CNTN5: variants seen among roughly 807,000 people sequenced by gnomAD.
CNTN5 encodes contactin 5, also known as contactin-5.
In CNTN5, 77 loss-of-function variants were observed where a neutral mutation model predicts 129.1. The ratio of observed to expected loss-of-function variants is 0.60; its 90% CI spans 0.50 to 0.72. The LOEUF is 0.72. Among genes scored for constraint, CNTN5 ranks in the 30% least tolerant of loss-of-function variants. The probability of loss-of-function intolerance (pLI) is 0.00; values close to 1 mark genes in which losing one functional copy is unlikely to be tolerated. For missense variants in CNTN5, 1,478 were observed against 1,328.8 expected (o/e 1.11, Z -1.75); for synonymous variants, 509 against 465.6 (o/e 1.09, Z -1.20).
intron 2 of CNTN5, among the ~76,000 whole-genome samples, chr11:99,459,989 A>AG (rs1335654472): frequency 7.9e-5 from 12 of 151,962 alleles, no homozygotes. Context: ...ATTATTTTAA[A>AG]GGAAAAAAAA....
At chr11:99,442,162 G>A (rs191514681) in intron 2 of CNTN5, among the ~76,000 whole-genome samples, 110 of 152,098 alleles carry the variant, frequency 7.2e-4, no homozygotes, top group African/African-American at 2.6e-3. Context: ...GCTACCCATA[G>A]CTATGAGGGC....
In CNTN5 at chr11:99,835,444, G is replaced by A. The variant is rs150447754; in HGVS notation, c.278-9408G>A. ...AACTTCTGACCTTGCCCAGAGGTGA[G>A]GCAATAGGGAAAAGGCAAATAATGT... On this transcript the variant is annotated intron_variant, in intron 4 of 24. Coordinates refer to ENST00000524871, the MANE Select transcript of CNTN5 (RefSeq NM_014361.4). Among the ~76,000 whole-genome samples the A allele has an allele frequency of 3.7e-4, 56 of 152,254 alleles. No individual in the cohort carries two copies. In the East Asian group the frequency reaches 7.5e-3, roughly 21 times the overall value.
intron 2 of CNTN5, among the ~76,000 whole-genome samples, chr11:99,525,363 T>C (rs1324750277): frequency 1.3e-4 from 20 of 152,218 alleles, no homozygotes; most frequent in Admixed American, 1.2e-3. Flanking sequence ...TTAGAAATTT[T>C]GATTATCTTA....
At chr11:99,352,541 T>A (rs779498786) in intron 2 of CNTN5, among the ~76,000 whole-genome samples, 10 of 152,170 alleles carry the variant, frequency 6.6e-5, no homozygotes, top group Non-Finnish European at 1.2e-4. Context: ...ACTGATCTCA[T>A]GTTGTTTGGA....
At chr11:99,955,326 A>G (rs1305061513) in intron 7 of CNTN5, among the ~76,000 whole-genome samples, 1 of 151,902 alleles carries the variant, frequency 6.6e-6, no homozygotes, top group African/African-American at 2.4e-5. Flanking sequence ...ATTATACTTT[A>G]TGGAGTTCCT....
chr11:99,269,326 G>C (rs1212839680), intron 1 of CNTN5, among the ~76,000 whole-genome samples: 1 of 151,294 alleles, frequency 6.6e-6, no homozygotes, highest in African/African-American at 2.4e-5. Flanking sequence ...ATATATACAT[G>C]ACATATTTTT....
Position 100,329,433 on chromosome 11 carries a change from G to T in CNTN5, c.2731-11030G>T, listed in dbSNP as rs543217203. Among the ~76,000 whole-genome samples the T allele has an allele frequency of 2.1e-4, 32 of 152,354 alleles. No individual in the cohort carries two copies. In the Middle Eastern group the frequency reaches 0.01, roughly 49 times the overall value. On this transcript the variant is annotated intron_variant, in intron 21 of 24. Transcript: ENST00000524871. ...GAGAAACCTGAATACTTAAACAGCT[G>T]TGCTTAGGGCAAGTTTGCATCCTCC...
intron 2 of CNTN5, among the ~76,000 whole-genome samples, chr11:99,338,919 GATAT>G (rs10534485): frequency 0.45 from 57,069 of 126,756 alleles, 12,171 homozygotes; most frequent in East Asian, 0.52. Context: ...TTCATTCACA[GATAT>G]ATATATATAT....
chr11:99,192,707 CTTAT>C (rs1858705277), intron 1 of CNTN5, among the ~76,000 whole-genome samples: 2 of 151,968 alleles, frequency 1.3e-5, no homozygotes, highest in African/African-American at 4.8e-5. Context: ...CTAAAACATG[CTTAT>C]TTAAATCTAC....
chr11:100,315,215 C>T (rs750713483), intron 21 of CNTN5, among the ~76,000 whole-genome samples: 4 of 152,178 alleles, frequency 2.6e-5, no homozygotes, highest in East Asian at 1.9e-4. Context: ...CAGTAATCTA[C>T]TTACACTTGG....
At chr11:99,941,668 C>T (rs547898477) in intron 7 of CNTN5, among the ~76,000 whole-genome samples, 33 of 149,086 alleles carry the variant, frequency 2.2e-4, no homozygotes, top group African/African-American at 7.8e-4. Flanking sequence ...TAAAGACCTC[C>T]CACAGGGAGT....
At chr11:100,028,197 TA>T (rs897361715) in intron 9 of CNTN5, among the ~76,000 whole-genome samples, 59 of 149,588 alleles carry the variant, frequency 3.9e-4, no homozygotes, top group South Asian at 4.2e-4. Flanking sequence ...TACCATTCCT[TA>T]AAAAAAAAAT....
At chr11:99,875,120 C>A (rs1948599384) in intron 6 of CNTN5, among the ~76,000 whole-genome samples, 1 of 152,150 alleles carries the variant, frequency 6.6e-6, no homozygotes, top group African/African-American at 2.4e-5. Context: ...TTATAGTTTT[C>A]TTAATCTTTT....
intron 9 of CNTN5, among the ~76,000 whole-genome samples, chr11:100,025,577 C>T (rs1941376397): frequency 6.6e-6 from 1 of 152,196 alleles, no homozygotes; most frequent in Admixed American, 6.5e-5. Flanking sequence ...CACTCAATGC[C>T]AGCCCATGAA....
intron 1 of CNTN5, among the ~76,000 whole-genome samples, chr11:99,206,648 C>T (rs1269804403): frequency 1.3e-5 from 2 of 151,958 alleles, no homozygotes; most frequent in African/African-American, 2.4e-5. Flanking sequence ...ACTAAGTATA[C>T]CTTCTGTTGC....
intron 3 of CNTN5, among the ~76,000 whole-genome samples, chr11:99,563,727 G>A (rs527240669): frequency 6.6e-6 from 1 of 152,124 alleles, no homozygotes; most frequent in Non-Finnish European, 1.5e-5. Flanking sequence ...CAAAGGCAAT[G>A]GGAATGACTT....
At chr11:99,282,337 T>G (rs1863737857) in intron 1 of CNTN5, among the ~76,000 whole-genome samples, 1 of 151,856 alleles carries the variant, frequency 6.6e-6, no homozygotes, top group Non-Finnish European at 1.5e-5. Context: ...TACGGTAAGG[T>G]TCACTCAGAA....
intron 1 of CNTN5, among the ~76,000 whole-genome samples, chr11:99,321,718 A>T (rs1181491077): frequency 6.6e-6 from 1 of 152,122 alleles, no homozygotes; most frequent in Non-Finnish European, 1.5e-5. Flanking sequence ...TGATTGATTG[A>T]GTAGAATCAA....
chr11:99,297,950 C>T (rs922015163), intron 1 of CNTN5, among the ~76,000 whole-genome samples: 1 of 152,068 alleles, frequency 6.6e-6, no homozygotes, highest in African/African-American at 2.4e-5. Context: ...AGTGCAGTTT[C>T]TGTTGCGACT....
Sources: allele counts gnomAD v4.1 joint callset (sites outside exome capture counted in the v4.1 genomes callset), GRCh38; gene constraint gnomAD v4.1.1; transcripts MANE v1.5; gene names NCBI Gene and HGNC (gene_info 2026-07-23, HGNC 2026-07-21).